Variants in MAD1L1 observed in about 807,000 individuals in gnomAD.
MAD1L1 encodes mitotic spindle assembly checkpoint protein MAD1.
A neutral mutation model predicts 96.9 loss-of-function variants in MAD1L1; 95 were observed. The observed-to-expected ratio is 0.98, with a 90% CI of 0.83 to 1.16. The LOEUF (loss-of-function observed/expected upper bound fraction) is 1.16. Among genes scored for constraint, MAD1L1 ranks in the 50% most tolerant of loss-of-function variants. MAD1L1 has a pLI of 0.00. For missense variants in MAD1L1, 1,007 were observed against 954.4 expected (o/e 1.06, Z -0.73); for synonymous variants, 473 against 396.6 (o/e 1.19, Z -2.29).
At chr7:1,976,963 A>G (rs1343759799) in intron 15 of MAD1L1, among the ~76,000 whole-genome samples, 1 of 152,270 alleles carries the variant, frequency 6.6e-6, no homozygotes, top group Non-Finnish European at 1.5e-5. Context: ...AGCTAGACAC[A>G]GATTGCTGAT....
chr7:2,121,449 G>A (rs924595607), intron 11 of MAD1L1, among the ~76,000 whole-genome samples: 2 of 152,246 alleles, frequency 1.3e-5, no homozygotes, highest in African/African-American at 2.4e-5. Context: ...CAGCCCCCAC[G>A]GGAGGGTCGT....
At chr7:2,050,938 G>A (rs1784140164) in intron 12 of MAD1L1, among the ~76,000 whole-genome samples, 1 of 152,204 alleles carries the variant, frequency 6.6e-6, no homozygotes, top group African/African-American at 2.4e-5. Context: ...AGGCTTCCTT[G>A]GCAGGGAACC....
intron 10 of MAD1L1, among the ~76,000 whole-genome samples, chr7:2,172,381 G>GC (rs1749355147): frequency 6.6e-6 from 1 of 152,100 alleles, no homozygotes; most frequent in South Asian, 2.1e-4. Context: ...TCTGACTCTC[G>GC]CCCCTGCAGG....
chr7:2,134,148 GA>G (rs1379302908), intron 11 of MAD1L1, among the ~76,000 whole-genome samples: 7 of 152,340 alleles, frequency 4.6e-5, no homozygotes, highest in African/African-American at 1.7e-4. Flanking sequence ...CGTGAACATA[GA>G]ATGCCGCTGC....
At chr7:1,948,543 A>C (rs1408221048) in intron 16 of MAD1L1, among the ~76,000 whole-genome samples, 1 of 152,174 alleles carries the variant, frequency 6.6e-6, no homozygotes, top group Non-Finnish European at 1.5e-5. Context: ...TCCCGGCCTG[A>C]GACCCTGCTG....
intron 17 of MAD1L1, among the ~76,000 whole-genome samples, chr7:1,928,882 C>T (rs369110817): frequency 2.9e-4 from 44 of 152,288 alleles, no homozygotes; most frequent in African/African-American, 9.9e-4. Flanking sequence ...TGGTGGTCCA[C>T]GGAGCAGCCA....
At chr7:2,160,118 C>A (rs888038712) in intron 10 of MAD1L1, among the ~76,000 whole-genome samples, 1 of 151,808 alleles carries the variant, frequency 6.6e-6, no homozygotes, top group Non-Finnish European at 1.5e-5. Context: ...ATAGTCCCAG[C>A]TACTCAGGAT....
At chr7:1,952,866 T>C (rs1779563005) in intron 16 of MAD1L1, among the ~76,000 whole-genome samples, 2 of 152,198 alleles carry the variant, frequency 1.3e-5, no homozygotes, top group African/African-American at 4.8e-5. Context: ...ATGAGCCACA[T>C]GCGTTACTAA....
chr7:1,854,235 C>G (rs903878151), intron 18 of MAD1L1: 9 of 348,410 alleles, frequency 2.6e-5, no homozygotes, highest in Admixed American at 7.9e-5. Flanking sequence ...ACCATGGCCC[C>G]GGTGCCTCGG....
At chr7:2,062,368 A>G (rs1784699522) in intron 12 of MAD1L1, among the ~76,000 whole-genome samples, 1 of 151,770 alleles carries the variant, frequency 6.6e-6, no homozygotes, top group Admixed American at 6.6e-5. Context: ...CGAGGTCAGG[A>G]GTTCGAGACC....
chr7:2,147,246 C>T lies in MAD1L1; in HGVS notation c.1073+1906G>A, dbSNP rs536971275. Reference sequence around the variant, plus strand: ...CATGACCAGCAAGGAGCAGACCAGCCGCCCCCCAGGACCTGCAGGCAAGAG... The same window carrying T: ...CATGACCAGCAAGGAGCAGACCAGCTGCCCCCCAGGACCTGCAGGCAAGAG... On this transcript the variant is annotated intron_variant, in intron 11 of 18. Coordinates refer to ENST00000265854, the MANE Select transcript of MAD1L1 (RefSeq NM_001013836.2). Among the ~76,000 whole-genome samples the T allele has an allele frequency of 1.9e-3, 282 of 152,254 alleles. 3 individuals carry two copies. The highest frequency in any genetic ancestry group is 2.8e-3 in the Non-Finnish European group (192 of 68,006).
At chr7:1,896,724 G>A (rs1164607079) in intron 18 of MAD1L1, among the ~76,000 whole-genome samples, 1 of 152,202 alleles carries the variant, frequency 6.6e-6, no homozygotes, top group African/African-American at 2.4e-5. Flanking sequence ...GGTGCCCCAA[G>A]GTTCCGCTGC....
chr7:1,957,460 C>A (rs1170578363), intron 16 of MAD1L1, among the ~76,000 whole-genome samples, 169 bp downstream of exon 16: 1 of 152,224 alleles, frequency 6.6e-6, no homozygotes, highest in Non-Finnish European at 1.5e-5. Context: ...GGCCTGTCAG[C>A]GGCATGGCCT....
Position 1,816,153 on chromosome 7 carries a change from C to T in MAD1L1, c.2074G>A (p.Val692Met). 2 of 1,613,310 alleles carry T rather than the reference C, an allele frequency of 1.2e-6. No individual in the cohort carries two copies. Among genetic ancestry groups the T allele is most frequent in the Non-Finnish European group, 8.5e-7 (1 of 1,179,882 alleles). ...ATGCTGTCCTGGCGCCGCAGGTGCA[C>T]CTCGATGAGCTCGCCCACGGTGTGT... Reference protein sequence around the residue: ...FSHTVGELIEVHLRRQDSIPA... With the variant: ...FSHTVGELIEMHLRRQDSIPA... Residue 692 changes from valine (V) to methionine (M), a missense_variant, in exon 19 of 19, where the codon GTG becomes ATG. By Grantham distance (21) the Val-to-Met change is conservative. Coordinates refer to ENST00000265854, the MANE Select transcript of MAD1L1 (RefSeq NM_001013836.2).
In MAD1L1 at chr7:1,816,027, AG is replaced by A; in HGVS notation, c.*42del. 1.3e-6 allele frequency: 2 copies of A among 1,550,368 alleles called. No individual in the cohort carries two copies. Among genetic ancestry groups the A allele is most frequent in the Non-Finnish European group, 1.7e-6 (2 of 1,147,322 alleles). ...TGGCGGGGCAGGGGACCTGCAGGTC[AG>A]GCCAAGCAGAGTGGCTCCGGCTATG... is the stretch of plus-strand genomic sequence containing the variant. On this transcript the variant is annotated 3_prime_UTR_variant, in exon 19 of 19. Transcript: ENST00000265854.
At chr7:2,035,203 C>G (rs1005396609) in intron 12 of MAD1L1, among the ~76,000 whole-genome samples, 1 of 152,244 alleles carries the variant, frequency 6.6e-6, no homozygotes, top group Non-Finnish European at 1.5e-5. Flanking sequence ...CACACACAGC[C>G]CAAGGACACG....
intron 17 of MAD1L1, 145 bp from the exon 18 acceptor site, chr7:1,898,535 C>T (rs1787040462): frequency 1.5e-6 from 1 of 651,524 alleles, no homozygotes; most frequent in Non-Finnish European, 2.7e-6. Flanking sequence ...GTCACACCAG[C>T]CAGCCTCCAT....
intron 18 of MAD1L1, among the ~76,000 whole-genome samples, chr7:1,893,583 A>G (rs2128439358): frequency 6.6e-6 from 1 of 152,220 alleles, no homozygotes; most frequent in South Asian, 2.1e-4. Context: ...GCCCTCCCAC[A>G]CTGGCCTCTG....
intron 16 of MAD1L1, among the ~76,000 whole-genome samples, chr7:1,941,283 G>GCCCCAGC (rs1378213502): frequency 2.9e-4 from 44 of 152,242 alleles, no homozygotes; most frequent in African/African-American, 9.6e-4. Context: ...CAGAGGCACA[G>GCCCCAGC]CCCCAGCCCC....
Sources: gnomAD v4.1 joint callset for allele counts (sites outside exome capture counted in the v4.1 genomes callset) on GRCh38, gnomAD v4.1.1 for gene constraint, MANE v1.5 for transcripts, NCBI Gene and HGNC (gene_info 2026-07-23, HGNC 2026-07-21) for gene names.